The following VAV2 variants were observed in gnomAD, a reference collection of about 807,000 sequenced individuals.
VAV2 encodes guanine nucleotide exchange factor VAV2.
Under a neutral mutation model 132.5 loss-of-function variants are expected in VAV2, and 67 were observed. That is an observed-to-expected ratio of 0.51 (90% CI 0.42 to 0.62). The LOEUF (loss-of-function observed/expected upper bound fraction) is 0.62, where lower values mean the gene tolerates loss of function less well. Among genes scored for constraint, VAV2 ranks in the 20% least tolerant of loss-of-function variants. VAV2 has a pLI of 0.00. For missense variants in VAV2, 938 were observed against 1,153.6 expected (o/e 0.81, Z 2.71); for synonymous variants, 492 against 443.5 (o/e 1.11, Z -1.37).
chr9:133,768,855 C>G lies in VAV2; in HGVS notation c.2435-259G>C, dbSNP rs948770063. Among the ~76,000 whole-genome samples the G allele has an allele frequency of 2.5e-4, 38 of 152,194 alleles. No individual in the cohort carries two copies. The highest frequency in any genetic ancestry group is 6.5e-4 in the African/African-American group (27 of 41,452). ...GTTCTTAGGGACAAGAGCAGGTGCC[C>G]AGGCTTTGACCATCATCATTCCAGT... On this transcript the variant is annotated intron_variant, in intron 28 of 29. Coordinates refer to ENST00000371850, the MANE Select transcript of VAV2 (RefSeq NM_001134398.2). The surrounding 1 kb of genome is among the most constrained non-coding windows in gnomAD (Gnocchi z 5.3).
At position 133,769,361 on chromosome 9, in the gene VAV2, C is replaced by T; in HGVS notation, c.2434+56G>A. 5 of 1,544,656 alleles carry T rather than the reference C, an allele frequency of 3.2e-6. No individual in the cohort carries two copies. Among genetic ancestry groups the T allele is most frequent in the Non-Finnish European group, 4.4e-6 (5 of 1,140,074 alleles). ...GCCAGTGGGCAGCTCCGTGCTGGGT[C>T]TCCCAAGGCAGCTGCCACAGGCCCG... is the stretch of plus-strand genomic sequence containing the variant. On this transcript the variant is annotated intron_variant, in intron 28 of 29. Coordinates refer to ENST00000371850, the MANE Select transcript of VAV2 (RefSeq NM_001134398.2). The surrounding 1 kb of genome is among the most constrained non-coding windows in gnomAD (Gnocchi z 8.1).
rs1004267393 is a variant in VAV2 at position 133,831,334 on chromosome 9, G to A, written c.449+2938C>T. ...GCCTGTAATCCCAGCTACTGGGGAG[G>A]CTGAGGCAGGAAAATCACTTGAACC... is the stretch of plus-strand genomic sequence containing the variant. On this transcript the variant is annotated intron_variant, in intron 4 of 29. Coordinates refer to ENST00000371850, the MANE Select transcript of VAV2 (RefSeq NM_001134398.2). Among the ~76,000 whole-genome samples the A allele has an allele frequency of 4.6e-5, 7 of 152,166 alleles. No individual in the cohort carries two copies. The East Asian group carries it at 1.3e-3, about 29-fold the overall frequency.
rs1833981428 is a variant in VAV2, at chr9:133,780,796, C to T, written c.1724-86G>A. Reference sequence around the variant, plus strand: ...CTCTCACTCACACCGCCCCGAGCCTCTGGGCCGAGCTTAAGATGGTAAGTG... The same window carrying T: ...CTCTCACTCACACCGCCCCGAGCCTTTGGGCCGAGCTTAAGATGGTAAGTG... On this transcript the variant is annotated intron_variant, in intron 19 of 29. Coordinates refer to ENST00000371850, the MANE Select transcript of VAV2 (RefSeq NM_001134398.2). 4.8e-6 allele frequency: 6 copies of T among 1,242,324 alleles called. No individual in the cohort carries two copies. The Admixed American group carries it at 2.1e-4, about 44-fold the overall frequency. The allele number at this position is 1,242,324 out of a possible 1,614,324, so 77.0% of individuals were successfully genotyped here. A position where few individuals can be genotyped will look rare whatever the true frequency, so the allele number is the denominator to read the frequency against.
chr9:133,804,426 G>T lies in VAV2; in HGVS notation c.836+1655C>A, dbSNP rs1027314797. Among the ~76,000 whole-genome samples, 1 of 152,224 alleles carries T rather than the reference G, an allele frequency of 6.6e-6. No individual in the cohort carries two copies. The highest frequency in any genetic ancestry group is 1.5e-5 in the Non-Finnish European group (1 of 68,038). On this transcript the variant is annotated intron_variant, in intron 9 of 29. Coordinates refer to ENST00000371850, the MANE Select transcript of VAV2 (RefSeq NM_001134398.2). The surrounding 1 kb of genome is among the most constrained non-coding windows in gnomAD (Gnocchi z 4.5). ...GTGGCGCTCCAAGGCAGAGATGCCC[G>T]CTGTTCCTCAGCGGGAACCACCCAT...
chr9:133,880,232 C>T (rs1838437129), intron 2 of VAV2, among the ~76,000 whole-genome samples: 1 of 152,202 alleles, frequency 6.6e-6, no homozygotes, highest in South Asian at 2.1e-4. Flanking sequence ...CCCCAAGAAG[C>T]TCTGTGTGCC....
At chr9:133,901,110 G>A (rs1388804722) in intron 2 of VAV2, among the ~76,000 whole-genome samples, 2 of 140,686 alleles carry the variant, frequency 1.4e-5, no homozygotes, top group African/African-American at 4.9e-5. Flanking sequence ...TCTCCTGTCT[G>A]ATTTTCCAGT....
chr9:133,769,384 C>A lies in VAV2; in HGVS notation c.2434+33G>T. 1 of 1,587,496 alleles carries A rather than the reference C, an allele frequency of 6.3e-7. No individual in the cohort carries two copies. The highest frequency in any genetic ancestry group is 2.3e-5 in the East Asian group (1 of 43,826). On this transcript the variant is annotated intron_variant, in intron 28 of 29. Coordinates refer to ENST00000371850, the MANE Select transcript of VAV2 (RefSeq NM_001134398.2). This position sits in a 1 kb window ranked among gnomAD's most constrained non-coding sequence, Gnocchi z 8.1. The stretch of plus-strand genomic sequence containing the variant: ...GTCTCCCAAGGCAGCTGCCACAGGC[C>A]CGGTCCCCCCACGCCCTGGGGAGCA...
chr9:133,915,271 G>A (rs1489857018), intron 2 of VAV2, among the ~76,000 whole-genome samples: 4 of 152,186 alleles, frequency 2.6e-5, no homozygotes, highest in South Asian at 2.1e-4. Context: ...CCACCGTCCC[G>A]CCCTCCTTGT....
At position 133,802,465 on chromosome 9, in the gene VAV2, G is replaced by T. The variant is rs771102444; in HGVS notation, c.836+3616C>A. ...TGGAGAAAGTTGTTCAGGCGCAAAT[G>T]ATTTCTGTCCTGATAGAGGACATGG... On this transcript the variant is annotated intron_variant, in intron 9 of 29. Coordinates refer to ENST00000371850, the MANE Select transcript of VAV2 (RefSeq NM_001134398.2). The surrounding 1 kb of genome is among the most constrained non-coding windows in gnomAD (Gnocchi z 5.8). Among the ~76,000 whole-genome samples the T allele has an allele frequency of 6.7e-6, 1 of 149,414 alleles. No individual in the cohort carries two copies. The highest frequency in any genetic ancestry group is 2.5e-5 in the African/African-American group (1 of 40,656).
intron 2 of VAV2, among the ~76,000 whole-genome samples, chr9:133,877,658 A>C (rs910444835): frequency 1.3e-5 from 2 of 152,074 alleles, no homozygotes; most frequent in African/African-American, 2.4e-5. Flanking sequence ...CTCACCCCAG[A>C]ACCCCCCTCT....
At chr9:133,943,848 T>A (rs1432385292) in intron 1 of VAV2, among the ~76,000 whole-genome samples, 1 of 152,222 alleles carries the variant, frequency 6.6e-6, no homozygotes, top group African/African-American at 2.4e-5. Context: ...GGCCCATTCA[T>A]CGGCAGCCGC....
chr9:133,967,186 A>G (rs1399079598), intron 1 of VAV2, among the ~76,000 whole-genome samples: 1 of 152,194 alleles, frequency 6.6e-6, no homozygotes. Context: ...TCATCACAGG[A>G]ATGCAAGCCA....
At chr9:133,843,791 T>C (rs573415847) in intron 3 of VAV2, among the ~76,000 whole-genome samples, 2 of 152,250 alleles carry the variant, frequency 1.3e-5, no homozygotes, top group Admixed American at 1.3e-4. Context: ...GAGTGACCAA[T>C]GGGCTGGCCC....
chr9:133,838,198 G>A (rs543093546), intron 3 of VAV2, among the ~76,000 whole-genome samples: 59 of 151,790 alleles, frequency 3.9e-4, no homozygotes, highest in Non-Finnish European at 7.5e-4. Flanking sequence ...TCTGCCTTTA[G>A]TCCCCCACCC....
chr9:133,797,675 A>AGCCAGG (rs758807316), intron 10 of VAV2, 35 bp downstream of exon 10: 38 of 1,591,968 alleles, frequency 2.4e-5, no homozygotes, highest in African/African-American at 1.3e-4. Flanking sequence ...GCAACCTTGG[A>AGCCAGG]GCCAGGGCCA....
At chr9:133,894,386 A>C (rs2519777) in intron 2 of VAV2, among the ~76,000 whole-genome samples, 111,272 of 152,110 alleles carry the variant, frequency 0.73, 43,028 homozygotes, top group Middle Eastern at 0.9. Flanking sequence ...GGCTGGGTGC[A>C]TCCATCCACA....
chr9:133,809,207 C>A, intron 6 of VAV2, 69 bp from the exon 7 acceptor site: 2 of 1,355,258 alleles, frequency 1.5e-6, no homozygotes, highest in Non-Finnish European at 2.1e-6. Context: ...ACATCTGCAC[C>A]GCGACACCCG....
rs1018076800 is a variant in VAV2 at position 133,761,906 on chromosome 9, C to A, written c.*2156G>T. On this transcript the variant is annotated 3_prime_UTR_variant, in exon 30 of 30. Coordinates refer to ENST00000371850, the MANE Select transcript of VAV2 (RefSeq NM_001134398.2). Reference sequence around the variant, plus strand: ...GGCTGACCACTCCTGCAGAAAAGAACTCAGGTTTATTTGCAAGTAAAAACC... The same window carrying A: ...GGCTGACCACTCCTGCAGAAAAGAAATCAGGTTTATTTGCAAGTAAAAACC... The A allele has an allele frequency of 6.6e-6, 1 of 152,648 alleles. No individual in the cohort carries two copies. Among genetic ancestry groups the A allele is most frequent in the African/African-American group, 2.4e-5 (1 of 41,458 alleles). 9.5% of individuals were successfully genotyped at this position (152,648 alleles called of 1,614,324 possible).
At chr9:133,856,932 G>T (rs1837406406) in intron 3 of VAV2, among the ~76,000 whole-genome samples, 1 of 152,162 alleles carries the variant, frequency 6.6e-6, no homozygotes. Flanking sequence ...CCACCTAGCA[G>T]CCGCGGGCCT....
Sources: allele counts gnomAD v4.1 joint callset (sites outside exome capture counted in the v4.1 genomes callset), GRCh38; gene constraint gnomAD v4.1.1; non-coding constraint Gnocchi (gnomAD v3.1); transcripts MANE v1.5; gene names NCBI Gene and HGNC (gene_info 2026-07-23, HGNC 2026-07-21).